The following GABRB2 variants were observed in gnomAD, a reference collection of about 807,000 sequenced individuals.
GABRB2 encodes the protein gamma-aminobutyric acid receptor subunit beta-2.
Under a neutral mutation model 54.7 loss-of-function variants are expected in GABRB2, and 16 were observed. The ratio of observed to expected loss-of-function variants is 0.29; its 90% CI spans 0.20 to 0.44. The LOEUF is 0.44. Ranked by LOEUF, GABRB2 falls within the 20% of genes least tolerant of loss-of-function variation. The probability of loss-of-function intolerance (pLI) is 1.00; values close to 1 mark genes in which losing one functional copy is unlikely to be tolerated. For synonymous variants in GABRB2, 244 were observed against 233.8 expected, an observed-to-expected ratio of 1.04 and a Z score of -0.40; for missense variants, 355 against 644.0, an observed-to-expected ratio of 0.55 and a Z score of 4.86.
At chr5:161,467,429 T>G (rs533160828) in intron 3 of GABRB2, among the ~76,000 whole-genome samples, 2 of 152,092 alleles carry the variant, frequency 1.3e-5, no homozygotes, top group Non-Finnish European at 2.9e-5. Context: ...AGGCTAATGT[T>G]TTTAAGGTAG....
intron 3 of GABRB2, among the ~76,000 whole-genome samples, chr5:161,534,860 C>T (rs1162359978): frequency 6.6e-6 from 1 of 152,024 alleles, no homozygotes; most frequent in Non-Finnish European, 1.5e-5. Flanking sequence ...GGAGCAATTT[C>T]TCAGTAAGCA....
chr5:161,447,415 A>C (rs561961209), intron 4 of GABRB2, among the ~76,000 whole-genome samples: 1 of 152,286 alleles, frequency 6.6e-6, no homozygotes, highest in South Asian at 2.1e-4. Flanking sequence ...AGCCTGTTAC[A>C]GCTGCTAAAA....
chr5:161,409,370 A>T (rs185557537), intron 5 of GABRB2, among the ~76,000 whole-genome samples: 92 of 152,220 alleles, frequency 6.0e-4, no homozygotes, highest in Admixed American at 1.0e-3. Context: ...TTATCATGTT[A>T]ATTTTTAAAT....
At chr5:161,294,552 A>T (rs2113334350) in intron 9 of GABRB2, 124 bp from the exon 10 acceptor site, 1 of 722,684 alleles carries the variant, frequency 1.4e-6, no homozygotes, top group East Asian at 2.7e-5. Context: ...TACCTTTGCG[A>T]TTACATTACC....
At chr5:161,386,262 G>A (rs1755627565) in intron 5 of GABRB2, among the ~76,000 whole-genome samples, 1 of 151,988 alleles carries the variant, frequency 6.6e-6, no homozygotes, top group South Asian at 2.1e-4. Flanking sequence ...CCCTTATTGT[G>A]ATTTAATGGC....
At chr5:161,542,072 A>T (rs1197155621) in intron 3 of GABRB2, among the ~76,000 whole-genome samples, 1 of 152,178 alleles carries the variant, frequency 6.6e-6, no homozygotes, top group African/African-American at 2.4e-5. Flanking sequence ...GGAGACGGAC[A>T]GGGGGATGAC....
At chr5:161,513,253 A>T (rs1212061961) in intron 3 of GABRB2, among the ~76,000 whole-genome samples, 1 of 152,028 alleles carries the variant, frequency 6.6e-6, no homozygotes, top group Non-Finnish European at 1.5e-5. Context: ...CAGAACTACC[A>T]TTCGACCCAG....
At chr5:161,375,109 A>G (rs1280687198) in intron 5 of GABRB2, among the ~76,000 whole-genome samples, 1 of 152,202 alleles carries the variant, frequency 6.6e-6, no homozygotes, top group African/African-American at 2.4e-5. Context: ...ATTTGTGTGC[A>G]TGAGCTGAGT....
chr5:161,495,738 A>T (rs1342232448), intron 3 of GABRB2, among the ~76,000 whole-genome samples: 1 of 152,100 alleles, frequency 6.6e-6, no homozygotes, highest in East Asian at 1.9e-4. Flanking sequence ...GCAACTCCAA[A>T]AGGAGATGTA....
chr5:161,542,517 G>A (rs1760853305), intron 3 of GABRB2, among the ~76,000 whole-genome samples: 1 of 152,190 alleles, frequency 6.6e-6, no homozygotes, highest in South Asian at 2.1e-4. Flanking sequence ...TCCTCAGGAT[G>A]ACTAAGCATC....
Position 161,290,557 on chromosome 5 carries a change from T to C in GABRB2, c.*3524A>G, listed in dbSNP as rs1757209451. ...AATTAAAAATACTCATATACTGGTT[T>C]AATGAAGGAAATAAAACATATTAGC... On this transcript the variant is annotated 3_prime_UTR_variant, in exon 10 of 10. Transcript: ENST00000393959. 1 of 152,594 alleles carries C rather than the reference T, an allele frequency of 6.6e-6. No homozygotes were observed. Among genetic ancestry groups the C allele is most frequent in the African/African-American group, 2.4e-5 (1 of 41,462 alleles). 9.5% of individuals were successfully genotyped at this position (152,594 alleles called of 1,614,324 possible).
Position 161,290,837 on chromosome 5 carries a change from C to T in GABRB2, c.*3244G>A, listed in dbSNP as rs1444413204. 2.0e-5 allele frequency: 3 copies of T among 152,502 alleles called. No homozygotes were observed. The highest frequency in any genetic ancestry group is 4.4e-5 in the Non-Finnish European group (3 of 67,978). The allele number at this position is 152,502 out of a possible 1,614,324, so 9.4% of individuals were successfully genotyped here. ...TGATTCATTTCCCCATTACGCATTCCACTGCTCTTTCTTTATGTGTTGTGC... is the reference window on the plus strand; with the variant it reads ...TGATTCATTTCCCCATTACGCATTCTACTGCTCTTTCTTTATGTGTTGTGC... On this transcript the variant is annotated 3_prime_UTR_variant, in exon 10 of 10. Transcript: ENST00000393959.
At chr5:161,448,287 G>T (rs1757691970) in intron 4 of GABRB2, among the ~76,000 whole-genome samples, 3 of 152,128 alleles carry the variant, frequency 2.0e-5, no homozygotes, top group African/African-American at 7.2e-5. Flanking sequence ...GCCGGATGTA[G>T]TGGTGTGCAC....
intron 3 of GABRB2, among the ~76,000 whole-genome samples, chr5:161,522,222 C>T: frequency 6.6e-6 from 1 of 151,754 alleles, no homozygotes; most frequent in East Asian, 1.9e-4. Context: ...AGATTAGACA[C>T]ATTTGATTCA....
At chr5:161,366,127 A>T (rs1754966719) in intron 5 of GABRB2, among the ~76,000 whole-genome samples, 1 of 151,414 alleles carries the variant, frequency 6.6e-6, no homozygotes, top group African/African-American at 2.4e-5. Flanking sequence ...GGCCAATTCC[A>T]TAGAGATTCA....
chr5:161,450,219 A>G (rs952731721), intron 4 of GABRB2, among the ~76,000 whole-genome samples: 4 of 152,094 alleles, frequency 2.6e-5, no homozygotes, highest in African/African-American at 9.7e-5. Context: ...CAGTGCTGCC[A>G]CAGCGAACTT....
intron 9 of GABRB2, among the ~76,000 whole-genome samples, chr5:161,318,455 G>T (rs1561605671): frequency 6.6e-6 from 1 of 151,884 alleles, no homozygotes; most frequent in Non-Finnish European, 1.5e-5. Context: ...CCAAATCATT[G>T]CTCACTGTTT....
At chr5:161,472,551 C>T (rs972641541) in intron 3 of GABRB2, among the ~76,000 whole-genome samples, 1 of 151,764 alleles carries the variant, frequency 6.6e-6, no homozygotes, top group Non-Finnish European at 1.5e-5. Flanking sequence ...ATGTCAGTCC[C>T]TGAGAATTCT....
chr5:161,300,102 G>C (rs1463459107), intron 9 of GABRB2, among the ~76,000 whole-genome samples: 2 of 152,070 alleles, frequency 1.3e-5, no homozygotes, highest in East Asian at 3.9e-4. Flanking sequence ...GATGTGTTGG[G>C]AGCAAAATTA....
Sources: allele counts gnomAD v4.1 joint callset (sites outside exome capture counted in the v4.1 genomes callset), GRCh38; gene constraint gnomAD v4.1.1; transcripts MANE v1.5; gene names NCBI Gene and HGNC (gene_info 2026-07-23, HGNC 2026-07-21).